The following GABBR2 variants were observed in gnomAD, a reference collection of about 807,000 sequenced individuals.
GABBR2 encodes gamma-aminobutyric acid type B receptor subunit 2.
In GABBR2, 23 loss-of-function variants were observed where a neutral mutation model predicts 105.6. That is an observed-to-expected ratio of 0.22 (90% CI 0.16 to 0.31). The LOEUF (loss-of-function observed/expected upper bound fraction) is 0.31. GABBR2 is among the 10% of genes least tolerant of loss of function. The pLI is 1.00. For synonymous variants in GABBR2, 478 were observed against 499.7 expected, an observed-to-expected ratio of 0.96 and a Z score of 0.58; for missense variants, 734 against 1,245.5, an observed-to-expected ratio of 0.59 and a Z score of 6.18.
At chr9:98,335,185 C>T (rs1237647722) in intron 13 of GABBR2, among the ~76,000 whole-genome samples, 2 of 152,140 alleles carry the variant, frequency 1.3e-5, no homozygotes, top group African/African-American at 4.8e-5. Flanking sequence ...TGTTCAAATG[C>T]TAACACAAAG....
chr9:98,296,590 G>A (rs140793256), intron 17 of GABBR2, among the ~76,000 whole-genome samples: 2 of 152,210 alleles, frequency 1.3e-5, no homozygotes, highest in African/African-American at 4.8e-5. Context: ...GGCAAAAATG[G>A]TATCTCATTG....
At chr9:98,699,980 A>G (rs7869446) in intron 1 of GABBR2, among the ~76,000 whole-genome samples, 11,509 of 152,280 alleles carry the variant, frequency 0.076, 870 homozygotes, top group African/African-American at 0.19. Flanking sequence ...AGTTAGAGAT[A>G]AGAAGTCACT....
chr9:98,501,516 C>T (rs1007176815), intron 3 of GABBR2, among the ~76,000 whole-genome samples: 1 of 152,176 alleles, frequency 6.6e-6, no homozygotes, highest in Non-Finnish European at 1.5e-5. Flanking sequence ...GGGACAATCC[C>T]TCTCTGTCGT....
chr9:98,475,085 A>C (rs1435305108), intron 5 of GABBR2, among the ~76,000 whole-genome samples: 1 of 152,178 alleles, frequency 6.6e-6, no homozygotes, highest in Non-Finnish European at 1.5e-5. Context: ...CAAGGCAGTG[A>C]TCACACTGTC....
At chr9:98,367,312 A>AT (rs1831698822) in intron 12 of GABBR2, among the ~76,000 whole-genome samples, 1 of 143,820 alleles carries the variant, frequency 7.0e-6, no homozygotes, top group African/African-American at 3.0e-5. Flanking sequence ...AAAAAAAAAA[A>AT]AAATAAGGGG....
rs374813788 is a variant in GABBR2 at position 98,636,490 on chromosome 9, T to C, written c.322-58418A>G. Among the ~76,000 whole-genome samples the C allele has an allele frequency of 2.7e-3, 341 of 126,610 alleles. 3 individuals are homozygous for C. The highest frequency in any genetic ancestry group is 0.01 in the African/African-American group (324 of 31,318). The allele number at this position is 126,610 out of a possible 152,430, so 83.1% of individuals were successfully genotyped here. The stretch of plus-strand genomic sequence containing the variant: ...ATTTTATTTTTCTTTCCTTTCTTTT[T>C]TTTTTTTTTTTTTTTTTTTTTGAGA... On this transcript the variant is annotated intron_variant, in intron 1 of 18. Transcript: ENST00000259455.
Position 98,454,230 on chromosome 9 carries a change from G to A in GABBR2, c.1000-13C>T, listed in dbSNP as rs1449642632. The A allele has an allele frequency of 1.3e-6, 2 of 1,564,298 alleles. No individual in the cohort carries two copies. Among genetic ancestry groups the A allele is most frequent in the Non-Finnish European group, 1.8e-6 (2 of 1,134,660 alleles). ...ACTGCTGTGGAGTCTGGAAAAACAG[G>A]GGATTGGGGGAATCCCAAGTTATAC... On this transcript the variant is annotated splice_polypyrimidine_tract_variant and intron_variant, in intron 6 of 18. Coordinates refer to ENST00000259455, the MANE Select transcript of GABBR2 (RefSeq NM_005458.8). This position sits in a 1 kb window ranked among gnomAD's most constrained non-coding sequence, Gnocchi z 4.6.
intron 3 of GABBR2, among the ~76,000 whole-genome samples, chr9:98,511,958 A>G: frequency 6.6e-6 from 1 of 152,236 alleles, no homozygotes; most frequent in Non-Finnish European, 1.5e-5. Context: ...CAACCAAAAA[A>G]GAGAATTTTA....
intron 7 of GABBR2, among the ~76,000 whole-genome samples, chr9:98,411,760 G>A (rs982286212): frequency 1.3e-5 from 2 of 152,050 alleles, no homozygotes; most frequent in Non-Finnish European, 2.9e-5. Flanking sequence ...TGTTGAGATA[G>A]GGGTCTCAGT....
intron 1 of GABBR2, among the ~76,000 whole-genome samples, chr9:98,643,616 C>G (rs1234750590): frequency 6.6e-6 from 1 of 152,218 alleles, no homozygotes; most frequent in Admixed American, 6.5e-5. Context: ...GCTCAATATT[C>G]ATACCTTCTT....
Position 98,415,193 on chromosome 9 carries a change from C to T in GABBR2, c.1237-9052G>A, listed in dbSNP as rs144188520. On this transcript the variant is annotated intron_variant, in intron 7 of 18. Transcript: ENST00000259455. ...TGGTTGGTCCCGGGAGTGTGATTAT[C>T]GCTTTTTATTTTTACTTTTTAATAC... is the stretch of plus-strand genomic sequence containing the variant. 3.4e-3 allele frequency among the ~76,000 whole-genome samples: 522 copies of T among 152,152 alleles called. 3 individuals carry two copies. Among genetic ancestry groups the T allele is most frequent in the African/African-American group, 0.012 (497 of 41,512 alleles).
At chr9:98,387,285 A>G (rs2131492637) in intron 10 of GABBR2, among the ~76,000 whole-genome samples, 1 of 152,330 alleles carries the variant, frequency 6.6e-6, no homozygotes, top group East Asian at 1.9e-4. Flanking sequence ...TCTTGAAAAG[A>G]GTAATGGTAA....
chr9:98,694,335 C>T (rs938503879), intron 1 of GABBR2, among the ~76,000 whole-genome samples: 1 of 152,252 alleles, frequency 6.6e-6, no homozygotes, highest in Admixed American at 6.5e-5. Context: ...CCCTGAGACC[C>T]CTGATCAATA....
In GABBR2 at chr9:98,444,849, GTGCACATGCATA is replaced by G; in HGVS notation, c.1236+9120_1236+9131del. 1.3e-5 allele frequency among the ~76,000 whole-genome samples: 2 copies of G among 149,234 alleles called. 1 individual carries two copies. Among genetic ancestry groups the G allele is most frequent in the Non-Finnish European group, 3.0e-5 (2 of 67,616 alleles). ...GGATTCCTCCAACGCATGCGTGCAC[GTGCACATGCATA>G]TGCACATGCGCGCGCGCGCACACAC... On this transcript the variant is annotated intron_variant, in intron 7 of 18. Coordinates refer to ENST00000259455, the MANE Select transcript of GABBR2 (RefSeq NM_005458.8).
At chr9:98,372,514 C>T (rs1259929106) in intron 11 of GABBR2, among the ~76,000 whole-genome samples, 1 of 152,234 alleles carries the variant, frequency 6.6e-6, no homozygotes, top group Non-Finnish European at 1.5e-5. Flanking sequence ...AGGTTCCAAC[C>T]TGCCTTGGCT....
At chr9:98,325,005 C>T (rs55873734) in intron 13 of GABBR2, among the ~76,000 whole-genome samples, 1,921 of 152,252 alleles carry the variant, frequency 0.013, 39 homozygotes, top group African/African-American at 0.043. Flanking sequence ...TAGGGTTACG[C>T]AACTTTCGGG....
At chr9:98,375,736 G>C (rs146228297) in intron 11 of GABBR2, among the ~76,000 whole-genome samples, 80 of 145,960 alleles carry the variant, frequency 5.5e-4, no homozygotes, top group Non-Finnish European at 7.6e-4. Context: ...AGCAAAGCTT[G>C]GAAGACTCCC....
intron 3 of GABBR2, among the ~76,000 whole-genome samples, chr9:98,507,597 T>A (rs1304776802): frequency 6.6e-6 from 1 of 152,228 alleles, no homozygotes; most frequent in Non-Finnish European, 1.5e-5. Context: ...AAATTTATGA[T>A]GATTTGTTGC....
chr9:98,290,639 C>A lies in GABBR2; in HGVS notation c.2771G>T (p.Ser924Ile). ...GGGTGGCACATGTCTGTGGCGGGGG[C>A]TGGCGGTGGGGCTGACGCAGGGGCT... ...CVSPCVSPTASPRHRHVPPSF... is the reference protein window; with the variant it reads ...CVSPCVSPTAIPRHRHVPPSF... Residue 924 changes from serine to isoleucine, a missense_variant, in exon 19 of 19, where the codon AGC becomes ATC. By Grantham distance (142) the Ser-to-Ile change is moderately radical (BLOSUM62 -2). Coordinates refer to ENST00000259455, the MANE Select transcript of GABBR2 (RefSeq NM_005458.8). The A allele has an allele frequency of 6.9e-7, 1 of 1,447,598 alleles. No homozygotes were observed. The highest frequency in any genetic ancestry group is 3.1e-5 in the Admixed American group (1 of 32,586). The allele number at this position is 1,447,598 out of a possible 1,614,324, so 89.7% of individuals were successfully genotyped here.
Sources: gnomAD v4.1 joint callset for allele counts (sites outside exome capture counted in the v4.1 genomes callset) on GRCh38, gnomAD v4.1.1 for gene constraint, Gnocchi (gnomAD v3.1) non-coding constraint, MANE v1.5 for transcripts, NCBI Gene and HGNC (gene_info 2026-07-23, HGNC 2026-07-21) for gene names.